The following KBTBD11 variants were observed in gnomAD, a reference collection of about 807,000 sequenced individuals.
KBTBD11 encodes kelch repeat and BTB domain containing 11.
For synonymous variants in KBTBD11, 747 were observed against 499.0 expected (o/e 1.50, Z -6.63); for missense variants, 1,390 against 1,001.8 (o/e 1.39, Z -5.23).
chr8:1,990,160 G>T (rs1268005686), intron 1 of KBTBD11, among the ~76,000 whole-genome samples: 1 of 152,246 alleles, frequency 6.6e-6, no homozygotes, highest in Non-Finnish European at 1.5e-5. Flanking sequence ...ACAGTTGCCG[G>T]GAAGATGCCG....
chr8:1,988,909 T>C (rs1816786819), intron 1 of KBTBD11, among the ~76,000 whole-genome samples: 1 of 152,368 alleles, frequency 6.6e-6, no homozygotes, highest in South Asian at 2.1e-4. Context: ...AGATTGACAG[T>C]TGTGAGCAAT....
rs753359241 is a variant in KBTBD11, at chr8:2,001,902, A to G, written c.710A>G (p.Tyr237Cys). ...CCGCAGCTGAGCCTGGCCAACTGCTACGAGGTCCTGAGCGCGGCCAAGCGG... is the reference window on the plus strand; with the variant it reads ...CCGCAGCTGAGCCTGGCCAACTGCTGCGAGGTCCTGAGCGCGGCCAAGCGG... ...VGPQLSLANC[Y>C]EVLSAAKRQR... is the part of the protein sequence containing the mutation. Residue 237 changes from tyrosine (Y) to cysteine (C), a missense_variant, in exon 2 of 2, where the codon TAC (tyrosine) becomes TGC (cysteine). Physicochemically the swap from Tyr to Cys is radical, Grantham distance 194. Transcript: ENST00000320248. 7 of 1,436,456 alleles carry G rather than the reference A, an allele frequency of 4.9e-6. No homozygotes were observed. In the African/African-American group the frequency reaches 6.0e-5, roughly 12 times the overall value. 89.0% of individuals were successfully genotyped at this position (1,436,456 alleles called of 1,614,324 possible). A position where few individuals can be genotyped will look rare whatever the true frequency, so the allele number is the denominator to read the frequency against.
At chr8:1,999,984 A>T (rs1451310105) in intron 1 of KBTBD11, among the ~76,000 whole-genome samples, 1 of 152,208 alleles carries the variant, frequency 6.6e-6, no homozygotes, top group Non-Finnish European at 1.5e-5. Context: ...TAGCAACTTC[A>T]TATGGTTCAA....
chr8:1,983,582 C>T (rs918405819), intron 1 of KBTBD11, among the ~76,000 whole-genome samples: 2 of 152,186 alleles, frequency 1.3e-5, no homozygotes, highest in African/African-American at 4.8e-5. Flanking sequence ...GGTGGCACCT[C>T]CATGAGGGTC....
At chr8:1,974,658 C>G in intron 1 of KBTBD11, 1 of 985,382 alleles carries the variant, frequency 1.0e-6, no homozygotes, top group Non-Finnish European at 1.2e-6. Flanking sequence ...CCTTGCAGCC[C>G]CCGCCCCATG....
At chr8:1,978,413 CAGG>C (rs751432839) in intron 1 of KBTBD11, among the ~76,000 whole-genome samples, 51 of 152,262 alleles carry the variant, frequency 3.3e-4, no homozygotes, top group Non-Finnish European at 6.3e-4. Context: ...AGGCTTGCGC[CAGG>C]AGGATTCACA....
At chr8:1,987,260 C>G (rs1236339215) in intron 1 of KBTBD11, among the ~76,000 whole-genome samples, 2 of 152,088 alleles carry the variant, frequency 1.3e-5, no homozygotes, top group African/African-American at 4.8e-5. Flanking sequence ...TATCTTTTTG[C>G]AACTGCAAAG....
At chr8:1,978,813 C>T (rs1001179468) in intron 1 of KBTBD11, among the ~76,000 whole-genome samples, 3 of 145,732 alleles carry the variant, frequency 2.1e-5, no homozygotes, top group African/African-American at 7.6e-5. Flanking sequence ...AAAAAGGCTA[C>T]GGCGATCCCC....
chr8:2,001,211 C>G lies in KBTBD11; in HGVS notation c.19C>G (p.Pro7Ala), dbSNP rs1257726221. Residue 7 changes from proline (P) to alanine (A), a missense_variant, in exon 2 of 2, where the codon CCC becomes GCC. Transcript: ENST00000320248. ...CCCGGCCATGGAGCACGCGGTGGCC[C>G]CCTGCGTCCTCTACCCAGGGACTGA... MEHAVAPCVLYPGTEPG... is the reference protein window; with the variant it reads MEHAVAACVLYPGTEPG... 4.3e-6 allele frequency: 6 copies of G among 1,399,158 alleles called. No individual in the cohort carries two copies. Among genetic ancestry groups the G allele is most frequent in the African/African-American group, 1.5e-5 (1 of 66,800 alleles). The allele number at this position is 1,399,158 out of a possible 1,614,324, so 86.7% of individuals were successfully genotyped here.
rs1254906425 is a variant in KBTBD11 at position 2,000,681 on chromosome 8, G to T, written c.-512G>T. The T allele has an allele frequency of 6.4e-6, 1 of 155,202 alleles. No homozygotes were observed. Among genetic ancestry groups the T allele is most frequent in the East Asian group, 1.9e-4 (1 of 5,336 alleles). 9.6% of individuals were successfully genotyped at this position (155,202 alleles called of 1,614,324 possible). A position where few individuals can be genotyped will look rare whatever the true frequency, so the allele number is the denominator to read the frequency against. On this transcript the variant is annotated 5_prime_UTR_variant, in exon 2 of 2. Coordinates refer to ENST00000320248, the MANE Select transcript of KBTBD11 (RefSeq NM_014867.3). ...ATATGACAGCATGTGAAGTGAGTGG[G>T]TGAGCACGGACTCCTGAGAGCGAGG...
rs1816202506 is a variant in KBTBD11 at position 1,973,759 on chromosome 8, C to T, written c.-1085C>T. The T allele has an allele frequency of 3.0e-6, 3 of 983,704 alleles. No homozygotes were observed. Among genetic ancestry groups the T allele is most frequent in the African/African-American group, 1.8e-5 (1 of 57,070 alleles). 60.9% of individuals were successfully genotyped at this position (983,704 alleles called of 1,614,324 possible). ...GAGAGGCGGAGAGGCCTGTCCACCGCCCCCTCTGCCGCCCACGCCCCGCTG... is the reference window on the plus strand; with the variant it reads ...GAGAGGCGGAGAGGCCTGTCCACCGTCCCCTCTGCCGCCCACGCCCCGCTG... On this transcript the variant is annotated 5_prime_UTR_variant, in exon 1 of 2. Coordinates refer to ENST00000320248, the MANE Select transcript of KBTBD11 (RefSeq NM_014867.3).
chr8:1,974,630 C>A (rs1368348834), intron 1 of KBTBD11: 2 of 985,224 alleles, frequency 2.0e-6, no homozygotes, highest in African/African-American at 1.7e-5. Flanking sequence ...CCGCGGCTCC[C>A]GAGTCCTGCC....
chr8:2,006,363 A>C lies in KBTBD11; in HGVS notation c.*3299A>C, dbSNP rs1188139867. On this transcript the variant is annotated 3_prime_UTR_variant, in exon 2 of 2. Coordinates refer to ENST00000320248, the MANE Select transcript of KBTBD11 (RefSeq NM_014867.3). ...ATCTAAATAGAGCAAATGTAAACAAAAGTGCATTTTTGTATTCTTGTTAAT... is the reference window on the plus strand; with the variant it reads ...ATCTAAATAGAGCAAATGTAAACAACAGTGCATTTTTGTATTCTTGTTAAT... The C allele has an allele frequency of 6.0e-6, 1 of 167,068 alleles. No individual in the cohort carries two copies. The highest frequency in any genetic ancestry group is 1.5e-5 in the Non-Finnish European group (1 of 68,128). The allele number at this position is 167,068 out of a possible 1,614,324, so 10.3% of individuals were successfully genotyped here.
intron 1 of KBTBD11, chr8:1,974,423 TC>T: frequency 2.0e-6 from 2 of 984,578 alleles, no homozygotes; most frequent in Non-Finnish European, 2.4e-6. Context: ...CGGGGGCTCC[TC>T]CCGGGGTTGC....
chr8:1,990,445 G>A (rs1403135131), intron 1 of KBTBD11, among the ~76,000 whole-genome samples: 2 of 126,122 alleles, frequency 1.6e-5, no homozygotes, highest in African/African-American at 6.0e-5. Context: ...AGATGCTGCG[G>A]GGCCTTGGCG....
chr8:1,999,381 T>G (rs539507114), intron 1 of KBTBD11, among the ~76,000 whole-genome samples: 13 of 152,328 alleles, frequency 8.5e-5, no homozygotes, highest in Middle Eastern at 3.4e-3. Flanking sequence ...GCATTCTGTA[T>G]AAAGATAAGC....
rs1817572160 is a variant in KBTBD11, at chr8:2,006,326, A to C, written c.*3262A>C. 6.0e-6 allele frequency: 1 copy of C among 167,056 alleles called. No homozygotes were observed. The highest frequency in any genetic ancestry group is 1.5e-5 in the Non-Finnish European group (1 of 68,120). 10.3% of individuals were successfully genotyped at this position (167,056 alleles called of 1,614,324 possible). A position where few individuals can be genotyped will look rare whatever the true frequency, so the allele number is the denominator to read the frequency against. ...GAAGTCAGGATAGATTCAAGACATA[A>C]TCTCTTGTAAGATCTAAATAGAGCA... On this transcript the variant is annotated 3_prime_UTR_variant, in exon 2 of 2. Coordinates refer to ENST00000320248, the MANE Select transcript of KBTBD11 (RefSeq NM_014867.3).
At chr8:1,980,693 C>T (rs1816511330) in intron 1 of KBTBD11, among the ~76,000 whole-genome samples, 1 of 152,214 alleles carries the variant, frequency 6.6e-6, no homozygotes, top group South Asian at 2.1e-4. Context: ...TGCCCTGGAG[C>T]CTCCGCCAGC....
At chr8:1,977,547 G>A (rs968107847) in intron 1 of KBTBD11, among the ~76,000 whole-genome samples, 2 of 152,180 alleles carry the variant, frequency 1.3e-5, no homozygotes, top group East Asian at 1.9e-4. Context: ...ATTTTGAGAT[G>A]GAGTCTGGCT....
Sources: allele counts gnomAD v4.1 joint callset (sites outside exome capture counted in the v4.1 genomes callset), GRCh38; gene constraint gnomAD v4.1.1; transcripts MANE v1.5; gene names NCBI Gene and HGNC (gene_info 2026-07-23, HGNC 2026-07-21).